RAB12: variants seen among roughly 807,000 people sequenced by gnomAD.
RAB12 encodes RAB12, member RAS oncogene family, also known as ras-related protein Rab-12.
A neutral mutation model predicts 28.4 loss-of-function variants in RAB12; 11 were observed. The ratio of observed to expected loss-of-function variants is 0.39; its 90% CI spans 0.24 to 0.64. RAB12 has a LOEUF of 0.64. RAB12 is among the 30% of genes least tolerant of loss of function. The pLI, the probability that RAB12 is intolerant of heterozygous loss-of-function variation, is 0.50. For synonymous variants in RAB12, 138 were observed against 145.3 expected, an observed-to-expected ratio of 0.95 and a Z score of 0.36; for missense variants, 276 against 351.1, an observed-to-expected ratio of 0.79 and a Z score of 1.71.
chr18:8,624,901 G>T (rs1567895024), intron 1 of RAB12, 37 bp from the exon 2 acceptor site: 2 of 1,286,008 alleles, frequency 1.6e-6, no homozygotes, highest in East Asian at 2.3e-5. Context: ...TTGCATCTTT[G>T]TTGTTTTTGC....
In RAB12 at chr18:8,639,144, G is replaced by GTTATTT. The variant is rs1598315808; in HGVS notation, c.*884_*885insATTTTT. On this transcript the variant is annotated 3_prime_UTR_variant, in exon 6 of 6. Transcript: ENST00000649141. ...CTTATTCTGATTAAGCCTAGACTGTGTTCTTTTTTTTTTTTTTTTTTTTTT... is the reference window on the plus strand; with the variant it reads ...CTTATTCTGATTAAGCCTAGACTGTGTTATTTTTCTTTTTTTTTTTTTTTTTTTTTT... 6.0e-5 allele frequency: 1 copy of GTTATTT among 16,560 alleles called. No homozygotes were observed. The highest frequency in any genetic ancestry group is 1.3e-4 in the Non-Finnish European group (1 of 7,628). The allele number at this position is 16,560 out of a possible 1,614,324, so 1.0% of individuals were successfully genotyped here. A position where few individuals can be genotyped will look rare whatever the true frequency, so the allele number is the denominator to read the frequency against.
chr18:8,632,994 T>C (rs2096016879), intron 2 of RAB12, 195 bp from the exon 3 acceptor site: 1 of 598,510 alleles, frequency 1.7e-6, no homozygotes, highest in African/African-American at 1.9e-5. Context: ...AAAGGTATTT[T>C]CTATGTCATA....
intron 4 of RAB12, 161 bp downstream of exon 4, chr18:8,635,783 GCTC>G: frequency 1.9e-6 from 1 of 525,328 alleles, no homozygotes; most frequent in Non-Finnish European, 3.3e-6. Context: ...TTGACTTCGT[GCTC>G]CTTTAAATTC....
intron 1 of RAB12, among the ~76,000 whole-genome samples, chr18:8,620,004 T>C (rs1401972347): frequency 6.6e-6 from 1 of 152,010 alleles, no homozygotes; most frequent in Admixed American, 6.6e-5. Context: ...GACAGTGGTG[T>C]GCTTCTGTAG....
Position 8,638,278 on chromosome 18 carries a change from A to C in RAB12, c.*16A>C. 2 of 1,546,574 alleles carry C rather than the reference A, an allele frequency of 1.3e-6. No homozygotes were observed. Among genetic ancestry groups the C allele is most frequent in the Non-Finnish European group, 1.8e-6 (2 of 1,119,364 alleles). On this transcript the variant is annotated 3_prime_UTR_variant, in exon 6 of 6. Transcript: ENST00000649141. ...ATGCTGTTGATTTCCTACTTTGGAGACAAAGTGGAAATGATTCCTGGAAAG... is the reference window on the plus strand; with the variant it reads ...ATGCTGTTGATTTCCTACTTTGGAGCCAAAGTGGAAATGATTCCTGGAAAG...
In RAB12 at chr18:8,622,809, C is replaced by A. The variant is rs115336032; in HGVS notation, c.515-2129C>A. Among the ~76,000 whole-genome samples the A allele has an allele frequency of 3.8e-3, 584 of 152,194 alleles. 2 individuals carry two copies. The highest frequency in any genetic ancestry group is 0.014 in the African/African-American group (562 of 41,526). ...GCCTTGACCATAGAAGACGGCCACG[C>A]CCAGGGCCCCCCGCCACCCCGTAGA... On this transcript the variant is annotated intron_variant, in intron 1 of 5. Coordinates refer to ENST00000649141, the MANE Select transcript of RAB12 (RefSeq NM_001025300.3).
intron 3 of RAB12, among the ~76,000 whole-genome samples, chr18:8,634,392 C>T (rs1263198808): frequency 6.7e-6 from 1 of 148,702 alleles, no homozygotes; most frequent in Non-Finnish European, 1.5e-5. Context: ...CTGCACTGGG[C>T]ATCAGTCATA....
rs760359422 is a variant in RAB12 at position 8,635,575 on chromosome 18, T to A, written c.757T>A (p.Leu253Met). 20 of 1,612,812 alleles carry A rather than the reference T, an allele frequency of 1.2e-5. No homozygotes were observed. Among genetic ancestry groups the A allele is most frequent in the South Asian group, 3.3e-5 (3 of 90,720 alleles). ...DAELLLVGNK[L>M]DCETDREITR... ...AGAGCTTCTCTTAGTTGGAAATAAGTTGGACTGTGAAACGGACAGAGAAAT... is the reference window on the plus strand; with the variant it reads ...AGAGCTTCTCTTAGTTGGAAATAAGATGGACTGTGAAACGGACAGAGAAAT... Residue 253 changes from leucine to methionine, a missense_variant, in exon 4 of 6, where the codon TTG (leucine) becomes ATG (methionine). By Grantham distance (15) the Leu-to-Met change is conservative (BLOSUM62 2). Transcript: ENST00000649141.
At chr18:8,633,484 G>A (rs1315465858) in intron 3 of RAB12, among the ~76,000 whole-genome samples, 157 bp downstream of exon 3, 1 of 152,192 alleles carries the variant, frequency 6.6e-6, no homozygotes, top group African/African-American at 2.4e-5. Flanking sequence ...ATGTAGTCCT[G>A]TATTGTGGAT....
chr18:8,611,065 T>G (rs1331767492), intron 1 of RAB12, among the ~76,000 whole-genome samples: 1 of 152,244 alleles, frequency 6.6e-6, no homozygotes, highest in Non-Finnish European at 1.5e-5. Context: ...TTTCTTGGTT[T>G]GTTTTCAAGA....
Position 8,638,672 on chromosome 18 carries a change from C to G in RAB12, c.*410C>G, listed in dbSNP as rs909819091. 2 of 154,298 alleles carry G rather than the reference C, an allele frequency of 1.3e-5. No homozygotes were observed. The highest frequency in any genetic ancestry group is 2.9e-5 in the Non-Finnish European group (2 of 69,280). 9.6% of individuals were successfully genotyped at this position (154,298 alleles called of 1,614,324 possible). A position where few individuals can be genotyped will look rare whatever the true frequency, so the allele number is the denominator to read the frequency against. Reference sequence around the variant, plus strand: ...TAAAGAAAATTTGTAAAACTAAAGACTTTTTGAAAAAAAGCTATCTTAAGT... The same window carrying G: ...TAAAGAAAATTTGTAAAACTAAAGAGTTTTTGAAAAAAAGCTATCTTAAGT... On this transcript the variant is annotated 3_prime_UTR_variant, in exon 6 of 6. Coordinates refer to ENST00000649141, the MANE Select transcript of RAB12 (RefSeq NM_001025300.3).
intron 1 of RAB12, among the ~76,000 whole-genome samples, chr18:8,617,284 C>T (rs2096007222): frequency 6.6e-6 from 1 of 152,152 alleles, no homozygotes; most frequent in Non-Finnish European, 1.5e-5. Flanking sequence ...TTTAATGATA[C>T]ACACTGATAT....
At chr18:8,634,891 A>T (rs1385474642) in intron 3 of RAB12, among the ~76,000 whole-genome samples, 1 of 152,222 alleles carries the variant, frequency 6.6e-6, no homozygotes, top group African/African-American at 2.4e-5. Context: ...AAAGACAGAA[A>T]TCTCATTGTA....
intron 1 of RAB12, among the ~76,000 whole-genome samples, chr18:8,622,736 A>G (rs538158094): frequency 6.6e-6 from 1 of 152,300 alleles, no homozygotes; most frequent in East Asian, 1.9e-4. Context: ...CCTCTTCCTA[A>G]TAAGCCTGGG....
intron 1 of RAB12, among the ~76,000 whole-genome samples, chr18:8,620,424 C>T (rs1179088893): frequency 6.6e-6 from 1 of 151,852 alleles, no homozygotes; most frequent in Non-Finnish European, 1.5e-5. Context: ...AGGCTGTGAG[C>T]AAGGATGTCT....
At chr18:8,614,129 A>G (rs1391509660) in intron 1 of RAB12, among the ~76,000 whole-genome samples, 2 of 152,320 alleles carry the variant, frequency 1.3e-5, no homozygotes, top group East Asian at 3.9e-4. Context: ...TCACACACAT[A>G]AAGGTCAGAC....
intron 4 of RAB12, 91 bp from the exon 5 acceptor site, chr18:8,636,162 C>T (rs2096018779): frequency 1.2e-6 from 1 of 812,456 alleles, no homozygotes; most frequent in African/African-American, 1.7e-5. Context: ...TAATCCCAGC[C>T]CTTCCCTTGA....
intron 3 of RAB12, 47 bp downstream of exon 3, chr18:8,633,374 T>A: frequency 6.3e-7 from 1 of 1,596,766 alleles, no homozygotes. Flanking sequence ...TGCTTGTGAG[T>A]CTTAATCATT....
chr18:8,627,749 G>A (rs2096013642), intron 2 of RAB12, among the ~76,000 whole-genome samples: 1 of 152,226 alleles, frequency 6.6e-6, no homozygotes, highest in African/African-American at 2.4e-5. Context: ...CTTCATATAA[G>A]GGCCCTTTGT....
Sources: allele counts gnomAD v4.1 joint callset (sites outside exome capture counted in the v4.1 genomes callset), GRCh38; gene constraint gnomAD v4.1.1; transcripts MANE v1.5; gene names NCBI Gene and HGNC (gene_info 2026-07-23, HGNC 2026-07-21).